MYT1L: variants seen among roughly 807,000 people sequenced by gnomAD.
MYT1L encodes myelin transcription factor 1 like.
In MYT1L, 12 loss-of-function variants were observed where a neutral mutation model predicts 126.7. The observed-to-expected ratio is 0.09, with a 90% CI of 0.06 to 0.15. The LOEUF (loss-of-function observed/expected upper bound fraction) is 0.15, where lower values mean the gene tolerates loss of function less well. MYT1L is among the 10% of genes least tolerant of loss of function. MYT1L has a pLI of 1.00. For synonymous variants in MYT1L, 541 were observed against 604.2 expected (o/e 0.90, Z 1.53); for missense variants, 979 against 1,585.2 (o/e 0.62, Z 6.49).
At chr2:2,179,863 T>C (rs1572185415) in intron 2 of MYT1L, among the ~76,000 whole-genome samples, 1 of 152,244 alleles carries the variant, frequency 6.6e-6, no homozygotes, top group Admixed American at 6.5e-5. Flanking sequence ...CATGCCTCTC[T>C]TTATGCACAT....
In MYT1L at chr2:2,122,872, T is replaced by TGTGTGTGTGA. The variant is rs553951630; in HGVS notation, c.-304+49999_-304+50000insTCACACACAC. On this transcript the variant is annotated intron_variant, in intron 3 of 24. Transcript: ENST00000647738. ...GTGTGTGTGTGTGTGTGTGTGTGTG[T>TGTGTGTGTGA]GAGAGAGAGAGAGAGAGAGACCAAT... Among the ~76,000 whole-genome samples, 512 of 133,032 alleles carry TGTGTGTGTGA rather than the reference T, an allele frequency of 3.8e-3. 2 individuals carry two copies. Among genetic ancestry groups the TGTGTGTGTGA allele is most frequent in the African/African-American group, 0.014 (475 of 33,760 alleles). 87.3% of individuals were successfully genotyped at this position (133,032 alleles called of 152,430 possible). A position where few individuals can be genotyped will look rare whatever the true frequency, so the allele number is the denominator to read the frequency against.
intron 1 of MYT1L, among the ~76,000 whole-genome samples, chr2:2,286,521 A>G (rs2095523184): frequency 6.6e-6 from 1 of 152,258 alleles, no homozygotes; most frequent in Admixed American, 6.5e-5. Context: ...AAAAGAAAAC[A>G]TAGAACCCAT....
chr2:2,259,251 G>A lies in MYT1L; in HGVS notation c.-421+25153C>T, dbSNP rs369313204. ...ACACTCTGGGGACTGTGGTGGGGTC[G>A]GGGGAGGGGGGAGGGATAGCATTGG... On this transcript the variant is annotated intron_variant, in intron 2 of 24. Coordinates refer to ENST00000647738, the MANE Select transcript of MYT1L (RefSeq NM_001303052.2). Among the ~76,000 whole-genome samples the A allele has an allele frequency of 8.8e-4, 92 of 104,562 alleles. No individual in the cohort carries two copies. In the East Asian group the frequency reaches 0.013, roughly 14 times the overall value. The allele number at this position is 104,562 out of a possible 152,430, so 68.6% of individuals were successfully genotyped here.
intron 2 of MYT1L, among the ~76,000 whole-genome samples, chr2:2,254,392 G>T (rs1006229672): frequency 2.6e-5 from 4 of 152,172 alleles, no homozygotes; most frequent in African/African-American, 9.7e-5. Flanking sequence ...TCTCCGGGAG[G>T]CCTGGGGGCT....
intron 2 of MYT1L, among the ~76,000 whole-genome samples, chr2:2,180,530 G>C (rs1432741609): frequency 6.6e-6 from 1 of 151,988 alleles, no homozygotes; most frequent in African/African-American, 2.4e-5. Context: ...GTGTGTACCT[G>C]TGTGTGCACC....
intron 3 of MYT1L, among the ~76,000 whole-genome samples, chr2:2,079,346 A>C (rs1409609385): frequency 6.6e-6 from 1 of 152,270 alleles, no homozygotes; most frequent in Non-Finnish European, 1.5e-5. Flanking sequence ...GAAATTAAAG[A>C]TTGAAATAAA....
chr2:2,065,563 C>T (rs1276722598), intron 3 of MYT1L, among the ~76,000 whole-genome samples: 2 of 152,092 alleles, frequency 1.3e-5, no homozygotes, highest in Non-Finnish European at 2.9e-5. Flanking sequence ...AAATTACCAG[C>T]CTCAGTAACC....
At chr2:2,067,770 T>C (rs979481461) in intron 3 of MYT1L, among the ~76,000 whole-genome samples, 3 of 152,154 alleles carry the variant, frequency 2.0e-5, no homozygotes, top group Non-Finnish European at 4.4e-5. Context: ...CAAGTTATAA[T>C]CTGGAAGAAG....
intron 5 of MYT1L, among the ~76,000 whole-genome samples, chr2:1,986,094 CATGGTAG>C (rs2060997555): frequency 1.3e-5 from 2 of 152,234 alleles, no homozygotes; most frequent in African/African-American, 4.8e-5. Context: ...GTGCCTGGCC[CATGGTAG>C]ATGCCTGTAA....
chr2:2,007,790 T>C (rs1038549536), intron 4 of MYT1L, among the ~76,000 whole-genome samples: 3 of 152,162 alleles, frequency 2.0e-5, no homozygotes, highest in African/African-American at 4.8e-5. Flanking sequence ...ATCCAGCCAA[T>C]GCCATTTTGC....
intron 3 of MYT1L, among the ~76,000 whole-genome samples, chr2:2,119,373 C>T (rs1383076290): frequency 6.6e-6 from 1 of 152,120 alleles, no homozygotes; most frequent in Non-Finnish European, 1.5e-5. Flanking sequence ...AAGGTAAAAA[C>T]TCATAAATAT....
intron 3 of MYT1L, among the ~76,000 whole-genome samples, chr2:2,122,868 T>A (rs373101193): frequency 4.0e-4 from 58 of 143,570 alleles, no homozygotes; most frequent in African/African-American, 1.5e-3. Context: ...TGTGTGTGTG[T>A]GTGTGAGAGA....
intron 2 of MYT1L, among the ~76,000 whole-genome samples, chr2:2,233,529 C>T (rs55791725): frequency 6.6e-6 from 1 of 152,160 alleles, no homozygotes; most frequent in Admixed American, 6.5e-5. Flanking sequence ...GATGGGGCGG[C>T]CTCTGGTGTC....
intron 5 of MYT1L, among the ~76,000 whole-genome samples, chr2:1,986,329 G>A (rs548254773): frequency 6.6e-6 from 1 of 152,316 alleles, no homozygotes; most frequent in Non-Finnish European, 1.5e-5. Flanking sequence ...ATGCTGGTCA[G>A]GCGGCCTGGG....
chr2:2,086,293 C>T (rs767866306), intron 3 of MYT1L, among the ~76,000 whole-genome samples: 2 of 152,072 alleles, frequency 1.3e-5, no homozygotes, highest in African/African-American at 2.4e-5. Flanking sequence ...AGTATGGGGC[C>T]GTTAAACCAA....
chr2:1,835,231 C>G (rs2040727949), intron 21 of MYT1L, among the ~76,000 whole-genome samples: 1 of 152,212 alleles, frequency 6.6e-6, no homozygotes, highest in Non-Finnish European at 1.5e-5. Context: ...TCATTTAATA[C>G]TTGTACTGAC....
At chr2:2,292,037 C>G (rs966623929) in intron 1 of MYT1L, among the ~76,000 whole-genome samples, 1 of 152,238 alleles carries the variant, frequency 6.6e-6, no homozygotes, top group African/African-American at 2.4e-5. Context: ...CAGGGCGCTG[C>G]TCTCTGGGCC....
At chr2:2,008,429 T>C (rs2063528803) in intron 4 of MYT1L, among the ~76,000 whole-genome samples, 1 of 152,246 alleles carries the variant, frequency 6.6e-6, no homozygotes, top group African/African-American at 2.4e-5. Flanking sequence ...GTTTCCCATT[T>C]GAGGAGTGAT....
intron 21 of MYT1L, among the ~76,000 whole-genome samples, chr2:1,815,413 C>T (rs1180961853): frequency 6.6e-6 from 1 of 152,226 alleles, no homozygotes; most frequent in Non-Finnish European, 1.5e-5. Context: ...TGGCTCTTGC[C>T]TCATGATGCT....
Sources: allele counts gnomAD v4.1 joint callset (sites outside exome capture counted in the v4.1 genomes callset), GRCh38; gene constraint gnomAD v4.1.1; transcripts MANE v1.5; gene names NCBI Gene and HGNC (gene_info 2026-07-23, HGNC 2026-07-21).